Variants in MCF2L observed in about 807,000 individuals in gnomAD.
The protein encoded by MCF2L is guanine nucleotide exchange factor DBS.
A neutral mutation model predicts 153.4 loss-of-function variants in MCF2L; 97 were observed. The observed-to-expected ratio is 0.63, with a 90% CI of 0.54 to 0.75. The LOEUF is 0.75. Ranked by LOEUF, MCF2L falls within the 30% of genes least tolerant of loss-of-function variation. The pLI is 0.00. For synonymous variants in MCF2L, 659 were observed against 632.2 expected, an observed-to-expected ratio of 1.04 and a Z score of -0.64; for missense variants, 1,347 against 1,495.2, an observed-to-expected ratio of 0.90 and a Z score of 1.64.
rs184160866 is a variant in MCF2L, at chr13:112,906,363, T to G, written c.169+3992T>G. On this transcript the variant is annotated intron_variant, in intron 2 of 29. Transcript: ENST00000375608. ...CAGCTCTCACAGCTGTGCTGCAGGA[T>G]TTGCAGGTGAATGGGGAAGGCGTGG... is the stretch of plus-strand genomic sequence containing the variant. Among the ~76,000 whole-genome samples, 4 of 152,298 alleles carry G rather than the reference T, an allele frequency of 2.6e-5. No homozygotes were observed. In the East Asian group the frequency reaches 7.7e-4, roughly 29 times the overall value.
At chr13:113,026,921 G>A (rs776213493) in intron 3 of MCF2L, 1 of 771,240 alleles carries the variant, frequency 1.3e-6, no homozygotes, top group African/African-American at 1.7e-5. Context: ...GACTTGGGAG[G>A]GGTGCCGCGG....
At chr13:113,019,635 G>A (rs1309862642) in intron 2 of MCF2L, among the ~76,000 whole-genome samples, 2 of 152,186 alleles carry the variant, frequency 1.3e-5, no homozygotes, top group Admixed American at 6.5e-5. Context: ...ATGGTTTCAC[G>A]ACATCCAACC....
chr13:112,909,199 C>T, intron 2 of MCF2L: 5 of 779,190 alleles, frequency 6.4e-6, no homozygotes, highest in South Asian at 5.4e-5. Context: ...CCGAGGGAGC[C>T]CCTGTAACCA....
intron 1 of MCF2L, chr13:113,009,790 G>C (rs1042722050): frequency 2.0e-5 from 3 of 152,364 alleles, no homozygotes; most frequent in African/African-American, 7.2e-5. Context: ...GATGGGCTTC[G>C]GGAAGGCCTC....
At chr13:112,940,040 T>G (rs1462986038) in intron 2 of MCF2L, among the ~76,000 whole-genome samples, 4 of 150,564 alleles carry the variant, frequency 2.7e-5, no homozygotes, top group Admixed American at 2.6e-4. Flanking sequence ...GGGTGGTGAT[T>G]GGGTCAGAGG....
intron 1 of MCF2L, chr13:113,001,806 C>T (rs2141051452): frequency 6.9e-7 from 1 of 1,439,476 alleles, no homozygotes; most frequent in Non-Finnish European, 9.1e-7. Flanking sequence ...GGTGTGGCGT[C>T]CCCGCTTCGC....
intron 3 of MCF2L, among the ~76,000 whole-genome samples, chr13:113,041,700 T>C (rs918973205): frequency 6.6e-6 from 1 of 151,756 alleles, no homozygotes; most frequent in Admixed American, 6.6e-5. Flanking sequence ...TCCCGAAATG[T>C]GGTAGGAGAG....
intron 2 of MCF2L, among the ~76,000 whole-genome samples, chr13:112,922,781 G>A (rs907195386): frequency 6.6e-6 from 1 of 152,240 alleles, no homozygotes; most frequent in African/African-American, 2.4e-5. Context: ...GTTGCAGTGA[G>A]CTGAGATCGT....
upstream of MCF2L, among the ~76,000 whole-genome samples, chr13:112,968,151 G>T (rs1239834065): frequency 3.5e-5 from 5 of 143,904 alleles, 1 homozygote; most frequent in African/African-American, 7.5e-5. Flanking sequence ...GTGGGGGGGG[G>T]GGTCTTGCTA....
In MCF2L at chr13:112,932,204, C is replaced by T. The variant is rs1467433984; in HGVS notation, c.169+29833C>T. ...GAGGTCAGCACCGATGGCGACCAGG[C>T]GTGTAGACTCGTGCCCTGGGTAAGG... On this transcript the variant is annotated intron_variant, in intron 2 of 29. Coordinates refer to the MCF2L transcript ENST00000375608. The surrounding 1 kb of genome is among the most constrained non-coding windows in gnomAD (Gnocchi z 4.6). Among the ~76,000 whole-genome samples the T allele has an allele frequency of 2.0e-5, 3 of 152,140 alleles. No individual in the cohort carries two copies. Among genetic ancestry groups the T allele is most frequent in the African/African-American group, 7.2e-5 (3 of 41,446 alleles).
chr13:112,925,913 A>T (rs2081396912), intron 2 of MCF2L, among the ~76,000 whole-genome samples: 1 of 152,258 alleles, frequency 6.6e-6, no homozygotes, highest in East Asian at 1.9e-4. Flanking sequence ...AGACTGGAAA[A>T]AATATTGGCA....
At chr13:112,928,477 G>A (rs1233806203) in intron 2 of MCF2L, among the ~76,000 whole-genome samples, 4 of 152,152 alleles carry the variant, frequency 2.6e-5, no homozygotes, top group Non-Finnish European at 5.9e-5. Flanking sequence ...AGCCATGCCA[G>A]CCGTTACTGT....
At position 113,020,868 on chromosome 13, in the gene MCF2L, ATG is replaced by A. The variant is rs758429989; in HGVS notation, c.164-3770_164-3769del. 1.3e-3 allele frequency among the ~76,000 whole-genome samples: 195 copies of A among 144,936 alleles called. 2 individuals are homozygous for A. Among genetic ancestry groups the A allele is most frequent in the Non-Finnish European group, 2.2e-3 (149 of 67,814 alleles). ...GTTTGCATGTATGTGTAGTGTGTATATGTGTGTATGTGTAGATGTGTGTATGT... is the reference window on the plus strand; with the variant it reads ...GTTTGCATGTATGTGTAGTGTGTATATGTGTATGTGTAGATGTGTGTATGT... On this transcript the variant is annotated intron_variant, in intron 2 of 29. Transcript: ENST00000535094.
rs145489186 is a variant in MCF2L, at chr13:113,065,602, C to T, written c.757-444C>T. Among the ~76,000 whole-genome samples, 558 of 152,362 alleles carry T rather than the reference C, an allele frequency of 3.7e-3. 3 individuals carry two copies. Among genetic ancestry groups the T allele is most frequent in the African/African-American group, 0.013 (533 of 41,592 alleles). ...TGGAACAAACGTATTCTGAGGAGCA[C>T]GTGCTCCCTGCTCTGTGCTGCCCCT... On this transcript the variant is annotated intron_variant, in intron 7 of 29. Coordinates refer to ENST00000535094, the MANE Select transcript of MCF2L (RefSeq NM_001112732.3).
Position 113,084,038 on chromosome 13 carries a change from G to A in MCF2L, c.2032G>A (p.Glu678Lys). The A allele has an allele frequency of 6.2e-7, 1 of 1,614,062 alleles. No individual in the cohort carries two copies. The highest frequency in any genetic ancestry group is 8.5e-7 in the Non-Finnish European group (1 of 1,179,930). The change falls in exon 18 of 30, where the codon GAA becomes AAA. Residue 678 changes from glutamate to lysine, a missense_variant. Physicochemically the swap from Glu to Lys is moderately conservative, Grantham distance 56. Around this residue, in one of 3 missense-constraint regions of MCF2L, gnomAD observed 820 missense variants for 921.2 expected, o/e 0.89. Transcript: ENST00000535094. Reference protein sequence around the residue: ...RELENYTDCPELVGRCFLERM... With the variant: ...RELENYTDCPKLVGRCFLERM... Reference sequence around the variant, plus strand: ...GCTGGAAAACTACACTGACTGCCCAGAACTGGTTGGAAGATGCTTTCTGGA... The same window carrying A: ...GCTGGAAAACTACACTGACTGCCCAAAACTGGTTGGAAGATGCTTTCTGGA...
intron 29 of MCF2L, 47 bp downstream of exon 29, chr13:113,096,700 C>T (rs780695676): frequency 1.9e-6 from 3 of 1,555,990 alleles, no homozygotes; most frequent in East Asian, 2.4e-5. Context: ...GCCAAGGGCC[C>T]GGGCGAGGAA....
At chr13:113,026,925 G>T in intron 3 of MCF2L, 1 of 772,382 alleles carries the variant, frequency 1.3e-6, no homozygotes, top group Non-Finnish European at 2.4e-6. Flanking sequence ...TGGGAGGGGT[G>T]CCGCGGGGGT....
chr13:113,088,554 C>T lies in MCF2L; in HGVS notation c.2768-8C>T. On this transcript the variant is annotated splice_polypyrimidine_tract_variant and splice_region_variant and intron_variant, in intron 24 of 29. Transcript: ENST00000535094. ...CGTTCACGTGGTTTGTCTGCTCCCT[C>T]CTCGCAGAAGCCAGCCAGCACCGGG... is the stretch of plus-strand genomic sequence containing the variant. 1.9e-6 allele frequency: 3 copies of T among 1,611,284 alleles called. No individual in the cohort carries two copies. The highest frequency in any genetic ancestry group is 2.5e-6 in the Non-Finnish European group (3 of 1,179,726).
At position 112,983,938 on chromosome 13, in the gene MCF2L, C is replaced by T. The variant is rs911848048; in HGVS notation, c.79+14480C>T. On this transcript the variant is annotated intron_variant, in intron 1 of 29. Transcript: ENST00000535094. The surrounding 1 kb of genome is among the most constrained non-coding windows in gnomAD (Gnocchi z 4.0). ...CACTCACATGGAGGAGGAGCCTCCT[C>T]TGCCCGGAGGAGACGGTGCTGGGAG... Among the ~76,000 whole-genome samples, 18 of 152,236 alleles carry T rather than the reference C, an allele frequency of 1.2e-4. No homozygotes were observed. Among genetic ancestry groups the T allele is most frequent in the African/African-American group, 4.3e-4 (18 of 41,476 alleles).
Sources: gnomAD v4.1 joint callset for allele counts (sites outside exome capture counted in the v4.1 genomes callset) on GRCh38, gnomAD v4.1.1 for gene constraint, gnomAD v4.1.1 regional missense constraint, Gnocchi (gnomAD v3.1) non-coding constraint, MANE v1.5 for transcripts, NCBI Gene and HGNC (gene_info 2026-07-23, HGNC 2026-07-21) for gene names.